Variants in TAF4B observed in about 807,000 individuals in gnomAD.
TAF4B encodes transcription initiation factor TFIID subunit 4B.
In TAF4B, 38 loss-of-function variants were observed where a neutral mutation model predicts 86.4. That is an observed-to-expected ratio of 0.44 (90% CI 0.34 to 0.58). The LOEUF (loss-of-function observed/expected upper bound fraction) is 0.58. Ranked by LOEUF, TAF4B falls within the 20% of genes least tolerant of loss-of-function variation. TAF4B has a pLI of 0.02. For synonymous variants in TAF4B, 388 were observed against 391.2 expected (o/e 0.99, Z 0.10); for missense variants, 988 against 1,027.6 (o/e 0.96, Z 0.53).
chr18:26,331,083 C>T (rs1020965273), intron 12 of TAF4B, among the ~76,000 whole-genome samples: 1 of 152,178 alleles, frequency 6.6e-6, no homozygotes, highest in Non-Finnish European at 1.5e-5. Context: ...GTGCTGCTTC[C>T]TGCTGTCCTA....
At chr18:26,232,185 A>T (rs1240134200) in intron 1 of TAF4B, among the ~76,000 whole-genome samples, 2 of 152,156 alleles carry the variant, frequency 1.3e-5, no homozygotes, top group Non-Finnish European at 2.9e-5. Flanking sequence ...TCTGCAGTCA[A>T]CCCAGGAAGT....
Position 26,250,422 on chromosome 18 carries a change from G to A in TAF4B, c.344-14748G>A, listed in dbSNP as rs574960941. On this transcript the variant is annotated intron_variant, in intron 1 of 14. Transcript: ENST00000269142. Reference sequence around the variant, plus strand: ...TGAGGCAGGAGAATAGCGTGAACCCGGGAGGCGGAGCTTGCAGTGAGCCGA... The same window carrying A: ...TGAGGCAGGAGAATAGCGTGAACCCAGGAGGCGGAGCTTGCAGTGAGCCGA... Among the ~76,000 whole-genome samples the A allele has an allele frequency of 1.9e-3, 291 of 151,546 alleles. 2 individuals are homozygous for A. Among genetic ancestry groups the A allele is most frequent in the African/African-American group, 6.8e-3 (283 of 41,322 alleles).
chr18:26,360,388 T>C (rs777578255), intron 14 of TAF4B, among the ~76,000 whole-genome samples: 57 of 152,180 alleles, frequency 3.7e-4, no homozygotes, highest in Non-Finnish European at 7.8e-4. Flanking sequence ...CATTTTTCAA[T>C]CCATTAAGGA....
chr18:26,298,070 T>G (rs1402467145), intron 9 of TAF4B, among the ~76,000 whole-genome samples: 3 of 125,580 alleles, frequency 2.4e-5, no homozygotes, highest in African/African-American at 3.0e-5. Context: ...GCTATTCTGG[T>G]TTGGTATGTA....
At position 26,308,832 on chromosome 18, in the gene TAF4B, A is replaced by G. The variant is rs146525731; in HGVS notation, c.1833-6397A>G. 7.1e-3 allele frequency among the ~76,000 whole-genome samples: 956 copies of G among 134,730 alleles called. 4 individuals are homozygous for G. Among genetic ancestry groups the G allele is most frequent in the African/African-American group, 0.024 (879 of 36,924 alleles). 88.4% of individuals were successfully genotyped at this position (134,730 alleles called of 152,430 possible). On this transcript the variant is annotated intron_variant, in intron 9 of 14. Transcript: ENST00000269142. ...GGATGCAGTGAGCCGAGACTGTGCCATTTCACTCCAACCTGGCAGCCTGGG... is the reference window on the plus strand; with the variant it reads ...GGATGCAGTGAGCCGAGACTGTGCCGTTTCACTCCAACCTGGCAGCCTGGG...
intron 14 of TAF4B, among the ~76,000 whole-genome samples, chr18:26,367,997 G>T (rs899194956): frequency 6.6e-6 from 1 of 152,004 alleles, no homozygotes; most frequent in Non-Finnish European, 1.5e-5. Flanking sequence ...TTTATTTATT[G>T]CATCTCTACC....
intron 13 of TAF4B, among the ~76,000 whole-genome samples, chr18:26,346,664 A>G (rs1329719855): frequency 1.3e-5 from 2 of 148,316 alleles, no homozygotes; most frequent in South Asian, 2.2e-4. Context: ...AGCAGAAACT[A>G]TACAGGCTAG....
chr18:26,382,365 C>G (rs1365296756), intron 14 of TAF4B, among the ~76,000 whole-genome samples: 3 of 152,196 alleles, frequency 2.0e-5, no homozygotes, highest in African/African-American at 7.2e-5. Flanking sequence ...AATCAATTTA[C>G]TGCCTTTCAG....
chr18:26,228,757 T>A (rs1489280993), intron 1 of TAF4B, among the ~76,000 whole-genome samples: 2 of 152,012 alleles, frequency 1.3e-5, no homozygotes, highest in East Asian at 3.9e-4. Flanking sequence ...AGAGTGAGAC[T>A]CTGTTCCTCC....
Position 26,226,834 on chromosome 18 carries a change from G to GA in TAF4B, c.-100_-99insA. On this transcript the variant is annotated 5_prime_UTR_variant, in exon 1 of 15. It introduces an in-frame stop codon into an upstream open reading frame of the 5' UTR. Coordinates refer to ENST00000269142, the MANE Select transcript of TAF4B (RefSeq NM_005640.3). Reference sequence around the variant, plus strand: ...CCGCGCCTCTCCCCAGCGATGCTGTGGAACCCGAACCGCACCGGAGTCGGC... The same window carrying GA: ...CCGCGCCTCTCCCCAGCGATGCTGTGAGAACCCGAACCGCACCGGAGTCGGC... The GA allele has an allele frequency of 9.9e-7, 1 of 1,008,374 alleles. No individual in the cohort carries two copies. The highest frequency in any genetic ancestry group is 3.3e-4 in the Middle Eastern group (1 of 2,988). 62.5% of individuals were successfully genotyped at this position (1,008,374 alleles called of 1,614,324 possible). A position where few individuals can be genotyped will look rare whatever the true frequency, so the allele number is the denominator to read the frequency against.
At chr18:26,294,262 C>A (rs2056633747) in intron 9 of TAF4B, among the ~76,000 whole-genome samples, 1 of 151,972 alleles carries the variant, frequency 6.6e-6, no homozygotes, top group Admixed American at 6.6e-5. Flanking sequence ...TAGTTCCTGT[C>A]CAACTTTGTG....
At chr18:26,368,743 A>C (rs1296856082) in intron 14 of TAF4B, among the ~76,000 whole-genome samples, 2 of 151,938 alleles carry the variant, frequency 1.3e-5, no homozygotes, top group Non-Finnish European at 2.9e-5. Flanking sequence ...TTTTGTTCAC[A>C]CTTCATGAAC....
intron 7 of TAF4B, among the ~76,000 whole-genome samples, chr18:26,291,744 C>G (rs1421909147): frequency 6.7e-6 from 1 of 149,458 alleles, no homozygotes; most frequent in Non-Finnish European, 1.5e-5. Flanking sequence ...GTTAAAATGG[C>G]ACATGAAAAG....
chr18:26,294,523 T>C (rs1345984361), intron 9 of TAF4B, among the ~76,000 whole-genome samples: 1 of 149,880 alleles, frequency 6.7e-6, no homozygotes, highest in Non-Finnish European at 1.5e-5. Context: ...TAAACAAATG[T>C]TATATTTGTA....
intron 9 of TAF4B, among the ~76,000 whole-genome samples, chr18:26,308,467 G>A (rs1229040327): frequency 1.3e-5 from 2 of 152,120 alleles, no homozygotes; most frequent in African/African-American, 2.4e-5. Flanking sequence ...AAGTTATATA[G>A]GTAGGAGATA....
intron 14 of TAF4B, among the ~76,000 whole-genome samples, chr18:26,379,113 C>A (rs925930217): frequency 6.6e-6 from 1 of 152,090 alleles, no homozygotes; most frequent in African/African-American, 2.4e-5. Flanking sequence ...AGACTCTAAA[C>A]TGTTTTTCAG....
chr18:26,305,533 G>A (rs558930587), intron 9 of TAF4B, among the ~76,000 whole-genome samples: 1 of 152,056 alleles, frequency 6.6e-6, no homozygotes, highest in African/African-American at 2.4e-5. Flanking sequence ...TCAGCCTCCC[G>A]AGTAGCTGAA....
chr18:26,352,628 C>T (rs1344955911), intron 13 of TAF4B, among the ~76,000 whole-genome samples: 3 of 152,158 alleles, frequency 2.0e-5, no homozygotes, highest in Admixed American at 1.3e-4. Flanking sequence ...CTCTTGGACT[C>T]ATGGGATCTT....
rs191596390 is a variant in TAF4B at position 26,370,866 on chromosome 18, G to C, written c.2421+13072G>C. Among the ~76,000 whole-genome samples, 164 of 152,252 alleles carry C rather than the reference G, an allele frequency of 1.1e-3. 1 individual carries two copies. Among genetic ancestry groups the C allele is most frequent in the Admixed American group, 2.1e-3 (32 of 15,288 alleles). On this transcript the variant is annotated intron_variant, in intron 14 of 14. Transcript: ENST00000269142. ...TGACTTAAAGCTAGATCAGAAGGTG[G>C]CCTGAAAGTGAAATTGAGATAGATG...
Sources: allele counts gnomAD v4.1 joint callset (sites outside exome capture counted in the v4.1 genomes callset), GRCh38; gene constraint gnomAD v4.1.1; transcripts MANE v1.5; gene names NCBI Gene and HGNC (gene_info 2026-07-23, HGNC 2026-07-21).